Variants in PLCB4 observed in about 807,000 individuals in gnomAD.
PLCB4 encodes the protein 1-phosphatidylinositol 4,5-bisphosphate phosphodiesterase beta-4.
A neutral mutation model predicts 178.8 loss-of-function variants in PLCB4; 77 were observed. The observed-to-expected ratio is 0.43, with a 90% CI of 0.36 to 0.52. The LOEUF (loss-of-function observed/expected upper bound fraction) is 0.52. Among genes scored for constraint, PLCB4 ranks in the 20% least tolerant of loss-of-function variants. The probability of loss-of-function intolerance (pLI) is 0.00; values close to 1 mark genes in which losing one functional copy is unlikely to be tolerated. For missense variants in PLCB4, 1,024 were observed against 1,453.4 expected, an observed-to-expected ratio of 0.70 and a Z score of 4.80; for synonymous variants, 496 against 490.8, an observed-to-expected ratio of 1.01 and a Z score of -0.14.
intron 36 of PLCB4, among the ~76,000 whole-genome samples, chr20:9,469,857 C>A (rs181420295): frequency 6.6e-6 from 1 of 152,150 alleles, no homozygotes; most frequent in African/African-American, 2.4e-5. Flanking sequence ...TAATTCCCAG[C>A]GATCACCAGT....
chr20:9,418,466 A>G (rs73248751), intron 25 of PLCB4, among the ~76,000 whole-genome samples: 7,913 of 152,208 alleles, frequency 0.052, 365 homozygotes, highest in African/African-American at 0.12. Flanking sequence ...TCAAAAATCA[A>G]TTGGCCATAG....
chr20:9,316,125 A>C (rs1187914544), intron 4 of PLCB4, among the ~76,000 whole-genome samples: 1 of 152,142 alleles, frequency 6.6e-6, no homozygotes, highest in Non-Finnish European at 1.5e-5. Flanking sequence ...AGAAGCAGGC[A>C]GAAGCCCCTC....
intron 3 of PLCB4, among the ~76,000 whole-genome samples, chr20:9,240,798 G>A (rs2147410734): frequency 6.6e-6 from 1 of 152,160 alleles, no homozygotes; most frequent in South Asian, 2.1e-4. Flanking sequence ...TGGGGGGTTG[G>A]GAGGATGAGA....
rs2089542578 is a variant in PLCB4, at chr20:9,070,949, A to G, written c.-135+1743A>G. On this transcript the variant is annotated intron_variant, in intron 1 of 39. Coordinates refer to ENST00000378473, the MANE Select transcript of PLCB4 (RefSeq NM_001377142.1). The stretch of plus-strand genomic sequence containing the variant: ...CTGGGTGCACATTTAAATCTGTCGG[A>G]ATAACTCTACCTTTATTTTGCAAAT... Among the ~76,000 whole-genome samples the G allele has an allele frequency of 2.6e-5, 4 of 152,226 alleles. 1 individual carries two copies. Among genetic ancestry groups the G allele is most frequent in the Admixed American group, 2.6e-4 (4 of 15,284 alleles).
At chr20:9,458,190 G>A (rs1459518832) in intron 34 of PLCB4, among the ~76,000 whole-genome samples, 1 of 152,206 alleles carries the variant, frequency 6.6e-6, no homozygotes. Flanking sequence ...ATATGCAGCT[G>A]TGTCATCTGG....
At chr20:9,156,069 C>CTTAAAAA (rs1257759765) in intron 2 of PLCB4, among the ~76,000 whole-genome samples, 59 of 152,298 alleles carry the variant, frequency 3.9e-4, no homozygotes, top group African/African-American at 1.3e-3. Context: ...TATGCATAAG[C>CTTAAAAA]TATCAACACT....
chr20:9,456,576 A>G (rs2043071041), intron 33 of PLCB4, among the ~76,000 whole-genome samples: 1 of 152,220 alleles, frequency 6.6e-6, no homozygotes, highest in Non-Finnish European at 1.5e-5. Context: ...AAAACCTCTC[A>G]TTGCATTTAC....
rs768980104 is a variant in PLCB4, at chr20:9,437,014, G to A, written c.2626G>A (p.Asp876Asn). 2 of 1,613,932 alleles carry A rather than the reference G, an allele frequency of 1.2e-6. No homozygotes were observed. The highest frequency in any genetic ancestry group is 1.7e-6 in the Non-Finnish European group (2 of 1,179,908). The change falls in exon 30 of 40, where the codon GAC becomes AAC. Residue 876 changes from aspartate to asparagine, a missense_variant. Physicochemically the swap from Asp to Asn is conservative, Grantham distance 23. Coordinates refer to ENST00000378473, the MANE Select transcript of PLCB4 (RefSeq NM_001377142.1). ...AMGIETSDIADVPSDTSKNDK... is the reference protein window; with the variant it reads ...AMGIETSDIANVPSDTSKNDK... The stretch of plus-strand genomic sequence containing the variant: ...GTTTCTGTTCCAGAGTGACATAGCC[G>A]ACGTGCCCAGTGACACTTCCAAAAA...
chr20:9,195,838 A>T (rs2147162164), intron 2 of PLCB4, among the ~76,000 whole-genome samples: 1 of 152,224 alleles, frequency 6.6e-6, no homozygotes, highest in East Asian at 1.9e-4. Context: ...TCTCTAGAGA[A>T]CCCTGACTAA....
At chr20:9,394,724 G>C (rs1003656103) in intron 18 of PLCB4, among the ~76,000 whole-genome samples, 3 of 152,126 alleles carry the variant, frequency 2.0e-5, no homozygotes, top group Admixed American at 2.0e-4. Flanking sequence ...GGTGCAATTA[G>C]AGTTATTCAG....
intron 18 of PLCB4, among the ~76,000 whole-genome samples, chr20:9,394,212 T>C (rs368695059): frequency 6.6e-6 from 1 of 152,172 alleles, no homozygotes; most frequent in Non-Finnish European, 1.5e-5. Flanking sequence ...AGTGAATTAA[T>C]GGTATCAAAT....
intron 3 of PLCB4, among the ~76,000 whole-genome samples, chr20:9,293,517 AAAG>A (rs928876032): frequency 6.6e-6 from 1 of 152,090 alleles, no homozygotes; most frequent in Non-Finnish European, 1.5e-5. Flanking sequence ...GGAAGGAAAG[AAAG>A]AAGGAAGGAT....
intron 3 of PLCB4, among the ~76,000 whole-genome samples, chr20:9,225,330 A>G (rs904906320): frequency 1.3e-5 from 2 of 152,208 alleles, no homozygotes; most frequent in African/African-American, 4.8e-5. Context: ...TTCATTTCCT[A>G]CTTAACAAAT....
At chr20:9,077,428 A>G (rs1432070969) in intron 1 of PLCB4, among the ~76,000 whole-genome samples, 1 of 152,236 alleles carries the variant, frequency 6.6e-6, no homozygotes, top group Non-Finnish European at 1.5e-5. Context: ...ATGCAGCTGA[A>G]CATAGCCTCT....
chr20:9,210,271 A>G (rs2093659620), intron 2 of PLCB4, among the ~76,000 whole-genome samples: 1 of 152,160 alleles, frequency 6.6e-6, no homozygotes, highest in Non-Finnish European at 1.5e-5. Flanking sequence ...TGACAGATAG[A>G]GGTAAGTTTT....
intron 4 of PLCB4, among the ~76,000 whole-genome samples, chr20:9,322,701 A>G (rs1368165773): frequency 6.6e-6 from 1 of 152,254 alleles, no homozygotes; most frequent in East Asian, 1.9e-4. Flanking sequence ...AATGCTCACC[A>G]AAAGCCAAGT....
In PLCB4 at chr20:9,398,327, T is replaced by C. The variant is rs150887418; in HGVS notation, c.1510+2709T>C. On this transcript the variant is annotated intron_variant, in intron 19 of 39. Transcript: ENST00000378473. The stretch of plus-strand genomic sequence containing the variant: ...TGATACGGCAGCTGTCTTTGGAAAA[T>C]ATAGTCAGCCGTGATGCCTACTATA... Among the ~76,000 whole-genome samples the C allele has an allele frequency of 5.7e-3, 873 of 152,232 alleles. 8 individuals carry two copies. Among genetic ancestry groups the C allele is most frequent in the Non-Finnish European group, 9.6e-3 (652 of 68,014 alleles).
chr20:9,342,416 G>A (rs1250967222), intron 7 of PLCB4, among the ~76,000 whole-genome samples: 1 of 152,098 alleles, frequency 6.6e-6, no homozygotes, highest in East Asian at 1.9e-4. Context: ...GAATCAGGGG[G>A]CCATGAAATA....
At chr20:9,416,350 T>C (rs1270373572) in intron 25 of PLCB4, among the ~76,000 whole-genome samples, 1 of 152,148 alleles carries the variant, frequency 6.6e-6, no homozygotes, top group African/African-American at 2.4e-5. Context: ...GGACACTCAC[T>C]TCCCAAGGAG....
Sources: allele counts gnomAD v4.1 joint callset (sites outside exome capture counted in the v4.1 genomes callset), GRCh38; gene constraint gnomAD v4.1.1; transcripts MANE v1.5; gene names NCBI Gene and HGNC (gene_info 2026-07-23, HGNC 2026-07-21).